The following MIB1 variants were observed in gnomAD, a reference collection of about 807,000 sequenced individuals.
The protein encoded by MIB1 is E3 ubiquitin-protein ligase MIB1.
In MIB1, 278 loss-of-function variants were observed where a neutral mutation model predicts 124.5. The observed-to-expected ratio is 2.23, with a 90% CI of 2.02 to 2.47. The LOEUF is 2.47. Among genes scored for constraint, MIB1 ranks in the 30% most tolerant of loss-of-function variants. The pLI, the probability that MIB1 is intolerant of heterozygous loss-of-function variation, is 0.00. For synonymous variants in MIB1, 446 were observed against 429.4 expected (o/e 1.04, Z -0.48); for missense variants, 957 against 1,254.4 (o/e 0.76, Z 3.58).
In MIB1 at chr18:21,847,002, G is replaced by C; in HGVS notation, c.2270G>C (p.Cys757Ser). The change falls in exon 16 of 21, where the codon TGT becomes TCT. Residue 757 changes from cysteine to serine, a missense_variant. Physicochemically the swap from Cys to Ser is moderately radical, Grantham distance 112. Transcript: ENST00000261537. ...AAGAAGAGTGCAGCATCTATTGCCTGTTTCTTGGCAGCCAATGGTGCTGAC... is the reference window on the plus strand; with the variant it reads ...AAGAAGAGTGCAGCATCTATTGCCTCTTTCTTGGCAGCCAATGGTGCTGAC... ...AEKKSAASIA[C>S]FLAANGADLS... 4 of 1,614,182 alleles carry C rather than the reference G, an allele frequency of 2.5e-6. No individual in the cohort carries two copies. The South Asian group carries it at 3.3e-5, about 13-fold the overall frequency.
chr18:21,795,378 AT>A (rs2041566079), intron 7 of MIB1, among the ~76,000 whole-genome samples: 4 of 144,180 alleles, frequency 2.8e-5, no homozygotes, highest in Admixed American at 1.4e-4. Context: ...ATAAATATAT[AT>A]TTATATTTAT....
intron 12 of MIB1, among the ~76,000 whole-genome samples, chr18:21,836,118 G>T (rs1305164883): frequency 6.6e-6 from 1 of 151,798 alleles, no homozygotes; most frequent in Admixed American, 6.6e-5. Context: ...GCTGGGCTTG[G>T]TGGCATGTAC....
chr18:21,717,692 T>C (rs112471975), intron 1 of MIB1, among the ~76,000 whole-genome samples: 1 of 152,104 alleles, frequency 6.6e-6, no homozygotes, highest in Non-Finnish European at 1.5e-5. Flanking sequence ...AAAAACACAA[T>C]GCGATGCCAC....
intron 12 of MIB1, chr18:21,826,264 T>C (rs937863034): frequency 6.3e-6 from 1 of 158,554 alleles, no homozygotes; most frequent in African/African-American, 2.4e-5. Flanking sequence ...CTTTTAGCAT[T>C]ATAGTTGAGG....
At chr18:21,846,289 C>G (rs975360501) in intron 15 of MIB1, among the ~76,000 whole-genome samples, 1 of 152,000 alleles carries the variant, frequency 6.6e-6, no homozygotes, top group Admixed American at 6.6e-5. Flanking sequence ...CTTTTTTTCT[C>G]ATTTTAAAAT....
chr18:21,754,504 A>G (rs976617196), intron 1 of MIB1, among the ~76,000 whole-genome samples: 25 of 152,146 alleles, frequency 1.6e-4, no homozygotes, highest in Non-Finnish European at 5.9e-5. Context: ...CTGTCATGGT[A>G]TTGTGGGGCT....
intron 1 of MIB1, among the ~76,000 whole-genome samples, chr18:21,763,227 T>C (rs1275205583): frequency 6.6e-6 from 1 of 152,180 alleles, no homozygotes; most frequent in African/African-American, 2.4e-5. Context: ...AAGTGGATAG[T>C]AAGTTATACA....
chr18:21,859,289 G>C lies in MIB1; in HGVS notation c.2880+643G>C, dbSNP rs912084320. 9.2e-5 allele frequency among the ~76,000 whole-genome samples: 14 copies of C among 151,914 alleles called. 1 individual carries two copies. The East Asian group carries it at 2.1e-3, about 23-fold the overall frequency. On this transcript the variant is annotated intron_variant, in intron 20 of 20. Coordinates refer to ENST00000261537, the MANE Select transcript of MIB1 (RefSeq NM_020774.4). ...GGTGTGGTGACCTCCCAACTACTTG[G>C]AGGCTGAGGTGGGAGGATCACTTGA...
chr18:21,728,453 A>G (rs1482212309), intron 1 of MIB1, among the ~76,000 whole-genome samples: 6 of 152,148 alleles, frequency 3.9e-5, no homozygotes, highest in Non-Finnish European at 8.8e-5. Flanking sequence ...AGATGGTGCC[A>G]TTGCACTCTA....
At chr18:21,795,313 TTA>T (rs1314870580) in intron 7 of MIB1, among the ~76,000 whole-genome samples, 26 of 133,196 alleles carry the variant, frequency 2.0e-4, no homozygotes, top group African/African-American at 8.6e-4. Flanking sequence ...TAAATATATA[TTA>T]TATATAATAT....
Position 21,838,495 on chromosome 18 carries a change from C to T in MIB1, c.1960C>T (p.Gln654Ter), listed in dbSNP as rs1469255013. ...AGAAGTGGCTGAACTGTTGGTACAT[C>T]AGGTAAGAAAAGAGTTAAATAATTC... is the stretch of plus-strand genomic sequence containing the variant. ...HVEVAELLVH[Q>*]GNANLDIQNV... Residue 654 changes from glutamine to a stop codon, truncating the protein, a stop_gained and splice_region_variant, in exon 13 of 21, where the codon CAG becomes TAG. Transcript: ENST00000261537. LOFTEE classifies it high-confidence loss of function. 1.3e-6 allele frequency: 2 copies of T among 1,589,230 alleles called. No individual in the cohort carries two copies. Among genetic ancestry groups the T allele is most frequent in the South Asian group, 1.2e-5 (1 of 84,878 alleles).
chr18:21,747,690 A>G (rs1406824841), intron 1 of MIB1, among the ~76,000 whole-genome samples: 2 of 152,228 alleles, frequency 1.3e-5, no homozygotes, highest in African/African-American at 2.4e-5. Flanking sequence ...TTGTAAGTGT[A>G]ATGCTATCTT....
At chr18:21,794,607 G>A (rs1173545771) in intron 7 of MIB1, among the ~76,000 whole-genome samples, 1 of 152,082 alleles carries the variant, frequency 6.6e-6, no homozygotes, top group African/African-American at 2.4e-5. Context: ...GGGGCACATT[G>A]CATACCTGGG....
chr18:21,855,682 C>T (rs1237961087), intron 18 of MIB1, among the ~76,000 whole-genome samples: 1 of 152,118 alleles, frequency 6.6e-6, no homozygotes, highest in Non-Finnish European at 1.5e-5. Context: ...GCATGGCAAA[C>T]TATTAGGAGT....
chr18:21,709,664 TG>T lies in MIB1; in HGVS notation n.167+4542del, dbSNP rs200412897. Among the ~76,000 whole-genome samples, 390 of 152,310 alleles carry T rather than the reference TG, an allele frequency of 2.6e-3. 5 individuals carry two copies. The East Asian group carries it at 0.031, about 12-fold the overall frequency. On this transcript the variant is annotated intron_variant and non_coding_transcript_variant, in intron 1 of 20. Transcript: ENST00000578646. ...TTCAGTGTCTGTGGGGGGACATGCATGCTGCTTCATTTGTTGAAAAGTCCCC... is the reference window on the plus strand; with the variant it reads ...TTCAGTGTCTGTGGGGGGACATGCATCTGCTTCATTTGTTGAAAAGTCCCC...
Position 21,866,705 on chromosome 18 carries a change from A to G in MIB1, c.*2039A>G, listed in dbSNP as rs111663544. The G allele has an allele frequency of 3.2e-4, 48 of 152,340 alleles. 1 individual carries two copies. Among genetic ancestry groups the G allele is most frequent in the African/African-American group, 1.1e-3 (45 of 41,580 alleles). The allele number at this position is 152,340 out of a possible 1,614,324, so 9.4% of individuals were successfully genotyped here. On this transcript the variant is annotated 3_prime_UTR_variant, in exon 21 of 21. Coordinates refer to ENST00000261537, the MANE Select transcript of MIB1 (RefSeq NM_020774.4). The stretch of plus-strand genomic sequence containing the variant: ...GTGCTAAAACAGATCCCTAAAAGGT[A>G]ATAGCATCTTCCAGACTAGTTTAAT...
chr18:21,776,989 T>C (rs952137381), intron 4 of MIB1, among the ~76,000 whole-genome samples: 2 of 151,006 alleles, frequency 1.3e-5, no homozygotes, highest in Non-Finnish European at 3.0e-5. Context: ...AAAAAAAAAA[T>C]TGATGTAAAT....
At chr18:21,799,427 T>C (rs1201944521) in intron 8 of MIB1, among the ~76,000 whole-genome samples, 1 of 152,006 alleles carries the variant, frequency 6.6e-6, no homozygotes, top group Non-Finnish European at 1.5e-5. Context: ...ATCATAACCA[T>C]TAATCTGTTG....
chr18:21,775,037 C>T (rs966668694), intron 4 of MIB1, among the ~76,000 whole-genome samples: 1 of 151,976 alleles, frequency 6.6e-6, no homozygotes, highest in Non-Finnish European at 1.5e-5. Context: ...GCTCCACCTC[C>T]CGGGTTCATG....
Sources: allele counts gnomAD v4.1 joint callset (sites outside exome capture counted in the v4.1 genomes callset), GRCh38; gene constraint gnomAD v4.1.1; transcripts MANE v1.5; gene names NCBI Gene and HGNC (gene_info 2026-07-23, HGNC 2026-07-21).